Variants in SLC3A1 observed in about 807,000 individuals in gnomAD.
SLC3A1 encodes the protein solute carrier family 3 member 1, also known as amino acid transporter heavy chain SLC3A1.
Under a neutral mutation model 60.3 loss-of-function variants are expected in SLC3A1, and 78 were observed. That is an observed-to-expected ratio of 1.29 (90% confidence interval 1.08 to 1.56). SLC3A1 has a LOEUF of 1.56. SLC3A1 is among the 40% of genes most tolerant of loss of function. The probability of loss-of-function intolerance (pLI) is 0.00; values close to 1 mark genes in which losing one functional copy is unlikely to be tolerated. For missense variants in SLC3A1, 1,172 were observed against 858.9 expected, an observed-to-expected ratio of 1.36 and a Z score of -4.56; for synonymous variants, 392 against 307.9, an observed-to-expected ratio of 1.27 and a Z score of -2.86.
chr2:44,308,535 A>T (rs774533992), intron 7 of SLC3A1, among the ~76,000 whole-genome samples: 1 of 152,066 alleles, frequency 6.6e-6, no homozygotes, highest in Non-Finnish European at 1.5e-5. Context: ...CAAGTCTTAG[A>T]CTTTTTGTTC....
chr2:44,311,510 C>T (rs1039329975), intron 7 of SLC3A1, among the ~76,000 whole-genome samples: 1 of 152,084 alleles, frequency 6.6e-6, no homozygotes, highest in African/African-American at 2.4e-5. Flanking sequence ...TTCTGGAAAT[C>T]ACATTCTTCC....
At chr2:44,283,122 C>T (rs1442731213) in intron 3 of SLC3A1, among the ~76,000 whole-genome samples, 2 of 152,180 alleles carry the variant, frequency 1.3e-5, no homozygotes, top group Non-Finnish European at 2.9e-5. Flanking sequence ...TCCCTCCCTC[C>T]TCCAGTCCCT....
intron 9 of SLC3A1, chr2:44,318,417 ACAAGAAATGATTTAAATATTTTAT>A: frequency 5.5e-6 from 1 of 181,144 alleles, no homozygotes; most frequent in Non-Finnish European, 1.2e-5. Flanking sequence ...AATAGAAGAC[ACAAGAAATGATTTAAATATTTTAT>A]CAACAGAAAA....
intron 4 of SLC3A1, among the ~76,000 whole-genome samples, chr2:44,290,788 A>ATGGGGTTG (rs963114248): frequency 2.0e-5 from 3 of 149,226 alleles, no homozygotes; most frequent in Non-Finnish European, 4.4e-5. Flanking sequence ...CCTTGCCTCC[A>ATGGGGTTG]TGGGGTTGTG....
In SLC3A1 at chr2:44,320,709, A is replaced by AATAG; in HGVS notation, c.*70_*71insATAG. 1 of 1,142,288 alleles carries AATAG rather than the reference A, an allele frequency of 8.8e-7. No individual in the cohort carries two copies. Among genetic ancestry groups the AATAG allele is most frequent in the Non-Finnish European group, 1.3e-6 (1 of 752,148 alleles). 70.8% of individuals were successfully genotyped at this position (1,142,288 alleles called of 1,614,324 possible). A position where few individuals can be genotyped will look rare whatever the true frequency, so the allele number is the denominator to read the frequency against. On this transcript the variant is annotated 3_prime_UTR_variant, in exon 10 of 10. Coordinates refer to ENST00000260649, the MANE Select transcript of SLC3A1 (RefSeq NM_000341.4). Reference sequence around the variant, plus strand: ...GTAAGCATTTGTAATAGCTTCATGTACAGCATGCTGCTTGGTGAACAATCA... The same window carrying AATAG: ...GTAAGCATTTGTAATAGCTTCATGTAATAGCAGCATGCTGCTTGGTGAACAATCA...
At chr2:44,296,409 C>T (rs1178869884) in intron 4 of SLC3A1, among the ~76,000 whole-genome samples, 1 of 152,156 alleles carries the variant, frequency 6.6e-6, no homozygotes, top group Non-Finnish European at 1.5e-5. Context: ...AGTTCAAATA[C>T]TTATTGAATG....
intron 3 of SLC3A1, among the ~76,000 whole-genome samples, chr2:44,283,115 C>G (rs1423324668): frequency 6.6e-6 from 1 of 152,186 alleles, no homozygotes; most frequent in Non-Finnish European, 1.5e-5. Context: ...TGGATCATCC[C>G]TCCCTCCTCC....
intron 1 of SLC3A1, among the ~76,000 whole-genome samples, chr2:44,279,309 T>C (rs1159994449): frequency 6.6e-6 from 1 of 152,170 alleles, no homozygotes; most frequent in African/African-American, 2.4e-5. Context: ...CTTCTCACCC[T>C]TTTTTAGACA....
At chr2:44,311,524 C>A (rs1006790420) in intron 7 of SLC3A1, among the ~76,000 whole-genome samples, 1 of 152,058 alleles carries the variant, frequency 6.6e-6, no homozygotes, top group African/African-American at 2.4e-5. Context: ...TTCTTCCTTT[C>A]CCAGTGTTTG....
At chr2:44,299,752 T>G (rs1572803631) in intron 4 of SLC3A1, among the ~76,000 whole-genome samples, 1 of 152,190 alleles carries the variant, frequency 6.6e-6, no homozygotes, top group East Asian at 1.9e-4. Flanking sequence ...AATTCTGAAT[T>G]CACATATGAA....
At chr2:44,319,244 C>G (rs1222816761) in intron 9 of SLC3A1, 1 of 152,582 alleles carries the variant, frequency 6.6e-6, no homozygotes, top group Non-Finnish European at 1.5e-5. Flanking sequence ...GTAAACATGG[C>G]TGGCAAGAAT....
intron 3 of SLC3A1, among the ~76,000 whole-genome samples, chr2:44,284,231 C>T (rs1193402526): frequency 6.6e-6 from 1 of 152,184 alleles, no homozygotes; most frequent in Non-Finnish European, 1.5e-5. Context: ...AGGCACCCAT[C>T]ACCATGCCCA....
At chr2:44,301,343 G>T in intron 6 of SLC3A1, 1 of 655,860 alleles carries the variant, frequency 1.5e-6, no homozygotes, top group Non-Finnish European at 2.7e-6. Flanking sequence ...AAATGATGCA[G>T]ATCACACTAC....
chr2:44,285,727 G>A (rs751999224), intron 3 of SLC3A1: 1 of 551,040 alleles, frequency 1.8e-6, no homozygotes, highest in South Asian at 1.5e-5. Context: ...GAAGATTCAA[G>A]AAAATACATT....
rs1402018672 is a variant in SLC3A1 at position 44,300,028 on chromosome 2, A to G, written c.949A>G (p.Lys317Glu). The change falls in exon 5 of 10, where the codon AAA (lysine) becomes GAA (glutamate). Residue 317 changes from lysine (K) to glutamate (E), a missense_variant. Transcript: ENST00000260649. The stretch of plus-strand genomic sequence containing the variant: ...TGATGGTTTTAGTTTGGATGCTGTT[A>G]AATTCCTCCTAGAAGCAAAGCACCT... ...GVDGFSLDAV[K>E]FLLEAKHLRD... 1.2e-6 allele frequency: 2 copies of G among 1,613,744 alleles called. No individual in the cohort carries two copies. Among genetic ancestry groups the G allele is most frequent in the South Asian group, 1.1e-5 (1 of 91,076 alleles).
intron 9 of SLC3A1, chr2:44,319,969 A>C (rs1672783243): frequency 1.9e-6 from 1 of 525,898 alleles, no homozygotes; most frequent in Non-Finnish European, 3.4e-6. Flanking sequence ...GTAGCAGAGC[A>C]CTGTGCGTAC....
chr2:44,318,939 C>G (rs1241569955), intron 9 of SLC3A1: 1 of 152,116 alleles, frequency 6.6e-6, no homozygotes, highest in African/African-American at 2.4e-5. Flanking sequence ...TCTGCAATTA[C>G]AGAAAAAGAC....
chr2:44,313,346 A>G (rs1672346098), intron 8 of SLC3A1, among the ~76,000 whole-genome samples: 1 of 152,120 alleles, frequency 6.6e-6, no homozygotes, highest in Non-Finnish European at 1.5e-5. Flanking sequence ...ATGAGATCCA[A>G]TTTCCCTAAT....
intron 5 of SLC3A1, 103 bp from the exon 6 acceptor site, chr2:44,300,900 C>G (rs935242807): frequency 2.8e-5 from 39 of 1,377,532 alleles, no homozygotes; most frequent in Non-Finnish European, 3.8e-5. Flanking sequence ...GTGCGTCTCG[C>G]TTGGCTTGAG....
Sources: gnomAD v4.1 joint callset for allele counts (sites outside exome capture counted in the v4.1 genomes callset) on GRCh38, gnomAD v4.1.1 for gene constraint, MANE v1.5 for transcripts, NCBI Gene and HGNC (gene_info 2026-07-23, HGNC 2026-07-21) for gene names.